TMOD1: variants seen among roughly 807,000 people sequenced by gnomAD.
TMOD1 encodes tropomodulin-1.
Under a neutral mutation model 40.6 loss-of-function variants are expected in TMOD1, and 17 were observed. The observed-to-expected ratio is 0.42, with a 90% CI of 0.29 to 0.63. The LOEUF is 0.63. Among genes scored for constraint, TMOD1 ranks in the 20% least tolerant of loss-of-function variants. The probability of loss-of-function intolerance (pLI) is 0.22; values close to 1 mark genes in which losing one functional copy is unlikely to be tolerated. For synonymous variants in TMOD1, 181 were observed against 175.0 expected (o/e 1.03, Z -0.27); for missense variants, 391 against 447.6 (o/e 0.87, Z 1.14).
At chr9:97,521,045 C>A (rs544755305) in intron 1 of TMOD1, among the ~76,000 whole-genome samples, 1 of 152,186 alleles carries the variant, frequency 6.6e-6, no homozygotes, top group African/African-American at 2.4e-5. Flanking sequence ...GTATGAGACA[C>A]TCCCAGGGTT....
intron 4 of TMOD1, among the ~76,000 whole-genome samples, chr9:97,560,251 G>A (rs1048979141): frequency 4.4e-4 from 67 of 152,186 alleles, no homozygotes; most frequent in Middle Eastern, 3.4e-3. Context: ...AGAAGCAGAC[G>A]TGTATCTAGA....
chr9:97,565,184 CT>C (rs1830708279), intron 6 of TMOD1, among the ~76,000 whole-genome samples: 1 of 152,234 alleles, frequency 6.6e-6, no homozygotes, highest in African/African-American at 2.4e-5. Flanking sequence ...CCCCAGCCTC[CT>C]CTGGGCCTCA....
Position 97,568,971 on chromosome 9 carries a change from G to A in TMOD1, c.804G>A (p.Gly268=), listed in dbSNP as rs1466767402. The change falls in exon 8 of 10, where the codon GGG becomes GGA. Residue 268 remains glycine (G), a synonymous_variant. Transcript: ENST00000259365. ...AATCCAACTTCATTTCTGGAGCTGG[G>A]ATTCTGCGCCTGGTAGAAGCCCTCC... ...NVESNFISGA[G]ILRLVEALPY... The A allele has an allele frequency of 6.2e-7, 1 of 1,614,088 alleles. No homozygotes were observed. The highest frequency in any genetic ancestry group is 8.5e-7 in the Non-Finnish European group (1 of 1,180,042).
intron 9 of TMOD1, among the ~76,000 whole-genome samples, chr9:97,596,298 G>A (rs1463577624): frequency 6.6e-6 from 1 of 152,018 alleles, no homozygotes; most frequent in South Asian, 2.1e-4. Flanking sequence ...CTCATCCCAA[G>A]TCTCCTTCCG....
chr9:97,520,893 C>T (rs370822458), intron 1 of TMOD1, among the ~76,000 whole-genome samples: 131 of 152,330 alleles, frequency 8.6e-4, no homozygotes, highest in African/African-American at 2.8e-3. Flanking sequence ...CCCTTTTCCC[C>T]AAGCTGGCTT....
chr9:97,568,548 G>A (rs764279199), intron 7 of TMOD1, among the ~76,000 whole-genome samples: 1 of 152,176 alleles, frequency 6.6e-6, no homozygotes, highest in Non-Finnish European at 1.5e-5. Flanking sequence ...ATTCCAGGTG[G>A]GAGGGAAAGA....
At chr9:97,527,405 T>C (rs554098659) in intron 2 of TMOD1, among the ~76,000 whole-genome samples, 1 of 152,322 alleles carries the variant, frequency 6.6e-6, no homozygotes, top group African/African-American at 2.4e-5. Context: ...TACACTGAGC[T>C]TGACACAGAG....
chr9:97,530,300 G>T (rs189507975), intron 2 of TMOD1, among the ~76,000 whole-genome samples: 15 of 152,220 alleles, frequency 9.9e-5, no homozygotes, highest in Non-Finnish European at 1.3e-4. Context: ...TCAGTAAAAG[G>T]CTCAAAATAT....
intron 3 of TMOD1, among the ~76,000 whole-genome samples, chr9:97,547,144 CCAGGAAA>C (rs1160161461): frequency 4.6e-5 from 7 of 152,024 alleles, no homozygotes; most frequent in Non-Finnish European, 5.9e-5. Context: ...CTTGAAGGCC[CCAGGAAA>C]CAGAGAGGGC....
chr9:97,580,963 A>G (rs1015131568), intron 8 of TMOD1, among the ~76,000 whole-genome samples: 34 of 51,374 alleles, frequency 6.6e-4, no homozygotes, highest in African/African-American at 2.7e-3. Flanking sequence ...TTCACTTGGC[A>G]TAATTCTTTT....
intron 1 of TMOD1, among the ~76,000 whole-genome samples, chr9:97,520,653 G>A (rs542755151): frequency 6.6e-6 from 1 of 152,234 alleles, no homozygotes; most frequent in African/African-American, 2.4e-5. Context: ...CGTTAGAAAG[G>A]GCTTTTTAAA....
chr9:97,569,072 T>C (rs1224531166), intron 8 of TMOD1, 35 bp downstream of exon 8: 2 of 1,608,332 alleles, frequency 1.2e-6, no homozygotes, highest in South Asian at 2.2e-5. Flanking sequence ...GGTCTGTTAC[T>C]ACATGCAGCT....
At chr9:97,504,975 C>G (rs1200191809) in intron 1 of TMOD1, among the ~76,000 whole-genome samples, 2 of 152,318 alleles carry the variant, frequency 1.3e-5, no homozygotes, top group South Asian at 4.1e-4. Flanking sequence ...TATGGAAAAG[C>G]ATGAACCAGA....
At chr9:97,558,478 C>T (rs1308669226) in intron 4 of TMOD1, among the ~76,000 whole-genome samples, 1 of 152,152 alleles carries the variant, frequency 6.6e-6, no homozygotes, top group South Asian at 2.1e-4. Flanking sequence ...GAGTCTCACT[C>T]TGTTGCCCAG....
chr9:97,536,574 C>T (rs1830188518), intron 2 of TMOD1, among the ~76,000 whole-genome samples: 2 of 152,096 alleles, frequency 1.3e-5, no homozygotes, highest in Non-Finnish European at 2.9e-5. Flanking sequence ...GTGGAGGAGA[C>T]CTGGCTCTCA....
intron 2 of TMOD1, among the ~76,000 whole-genome samples, chr9:97,527,975 G>C (rs1230895451): frequency 6.6e-6 from 1 of 152,210 alleles, no homozygotes; most frequent in Non-Finnish European, 1.5e-5. Context: ...GACAGACCTG[G>C]GAGTGGAGGG....
chr9:97,509,529 T>C (rs1454070006), intron 1 of TMOD1, among the ~76,000 whole-genome samples: 1 of 149,732 alleles, frequency 6.7e-6, no homozygotes, highest in Non-Finnish European at 1.5e-5. Context: ...GTTTTTTTTT[T>C]AGACAAGGTC....
intron 2 of TMOD1, among the ~76,000 whole-genome samples, chr9:97,539,055 C>T (rs1318082553): frequency 6.6e-6 from 1 of 152,006 alleles, no homozygotes; most frequent in African/African-American, 2.4e-5. Context: ...AACAGATCAA[C>T]AAAGAAAAAC....
intron 9 of TMOD1, among the ~76,000 whole-genome samples, chr9:97,597,012 A>C (rs1451713553): frequency 6.6e-6 from 1 of 152,266 alleles, no homozygotes; most frequent in African/African-American, 2.4e-5. Context: ...CACAGCACTC[A>C]GTACATGCTG....
Sources: allele counts gnomAD v4.1 joint callset (sites outside exome capture counted in the v4.1 genomes callset), GRCh38; gene constraint gnomAD v4.1.1; transcripts MANE v1.5; gene names NCBI Gene and HGNC (gene_info 2026-07-23, HGNC 2026-07-21).